P4HB: variants seen among roughly 807,000 people sequenced by gnomAD.
P4HB encodes the protein protein disulfide-isomerase.
Under a neutral mutation model 52.6 loss-of-function variants are expected in P4HB, and 20 were observed. The ratio of observed to expected loss-of-function variants is 0.38; its 90% CI spans 0.27 to 0.55. The LOEUF is 0.55. Among genes scored for constraint, P4HB ranks in the 20% least tolerant of loss-of-function variants. The probability of loss-of-function intolerance (pLI) is 0.74; values close to 1 mark genes in which losing one functional copy is unlikely to be tolerated. For synonymous variants in P4HB, 296 were observed against 277.9 expected (o/e 1.07, Z -0.65); for missense variants, 601 against 669.2 (o/e 0.90, Z 1.12).
In P4HB at chr17:81,855,528, G is replaced by A; in HGVS notation, c.411C>T (p.Ala137=). ...CAGCTGCGCCGTCAGGCAGGGTGGTGGCAGCCGGGCCCGTGCGCTTCTTCA... is the reference window on the plus strand; with the variant it reads ...CAGCTGCGCCGTCAGGCAGGGTGGTAGCAGCCGGGCCCGTGCGCTTCTTCA... ...NWLKKRTGPA[A]TTLPDGAAAE... is the part of the protein sequence containing the mutation. Residue 137 remains alanine, a synonymous_variant, in exon 3 of 11, where the codon GCC becomes GCT. Coordinates refer to ENST00000331483, the MANE Select transcript of P4HB (RefSeq NM_000918.4). This position sits in a 1 kb window ranked among gnomAD's most constrained non-coding sequence, Gnocchi z 4.3. The A allele has an allele frequency of 1.2e-6, 2 of 1,613,988 alleles. No individual in the cohort carries two copies. Among genetic ancestry groups the A allele is most frequent in the Non-Finnish European group, 1.7e-6 (2 of 1,180,030 alleles).
intron 1 of P4HB, chr17:81,860,007 G>A (rs575010408): frequency 1.3e-5 from 3 of 235,800 alleles, no homozygotes; most frequent in Non-Finnish European, 2.5e-5. Context: ...GGCGCCTTCC[G>A]GGTCGGCCCC....
chr17:81,857,764 T>C (rs758212581), intron 2 of P4HB, among the ~76,000 whole-genome samples: 7 of 152,204 alleles, frequency 4.6e-5, no homozygotes, highest in Non-Finnish European at 7.4e-5. Flanking sequence ...CCTGGGAGAC[T>C]GAGGCTAAGG....
chr17:81,851,423 C>A (rs2038829220), intron 4 of P4HB, among the ~76,000 whole-genome samples: 1 of 152,254 alleles, frequency 6.6e-6, no homozygotes, highest in African/African-American at 2.4e-5. Flanking sequence ...CAAGCACCAA[C>A]CACCCTGCCC....
chr17:81,855,132 G>C lies in P4HB; in HGVS notation c.624+10C>G. 1 of 1,613,868 alleles carries C rather than the reference G, an allele frequency of 6.2e-7. No individual in the cohort carries two copies. The highest frequency in any genetic ancestry group is 8.5e-7 in the Non-Finnish European group (1 of 1,179,896). ...AACTAACCTGGGCAGAGCTGCCTGG[G>C]GCCACTCACCTTCTTAAAGAGGACA... On this transcript the variant is annotated intron_variant, in intron 4 of 10. Coordinates refer to ENST00000331483, the MANE Select transcript of P4HB (RefSeq NM_000918.4). The surrounding 1 kb of genome is among the most constrained non-coding windows in gnomAD (Gnocchi z 4.3).
chr17:81,843,648 T>C lies in P4HB; in HGVS notation c.*364A>G. 2.2e-6 allele frequency: 1 copy of C among 462,032 alleles called. No homozygotes were observed. Among genetic ancestry groups the C allele is most frequent in the Non-Finnish European group, 3.8e-6 (1 of 262,924 alleles). The allele number at this position is 462,032 out of a possible 1,614,324, so 28.6% of individuals were successfully genotyped here. A position where few individuals can be genotyped will look rare whatever the true frequency, so the allele number is the denominator to read the frequency against. Reference sequence around the variant, plus strand: ...CCTGATGTCGAAAAATGTCTAAAAATCCCACAGACGGAATTTTCAAAAAGA... The same window carrying C: ...CCTGATGTCGAAAAATGTCTAAAAACCCCACAGACGGAATTTTCAAAAAGA... On this transcript the variant is annotated 3_prime_UTR_variant, in exon 11 of 11. Coordinates refer to ENST00000331483, the MANE Select transcript of P4HB (RefSeq NM_000918.4).
Position 81,859,232 on chromosome 17 carries a change from T to C in P4HB, c.301A>G (p.Thr101Ala), listed in dbSNP as rs1206104556. The C allele has an allele frequency of 2.5e-6, 4 of 1,613,858 alleles. No individual in the cohort carries two copies. In the South Asian group the frequency reaches 3.3e-5, roughly 13 times the overall value. ...TCTCCATTCCTGAAGAACTTGATGG[T>C]GGGATAGCCGCGCACGCCGTACTGC... ...AQQYGVRGYPTIKFFRNGDTA... is the reference protein window; with the variant it reads ...AQQYGVRGYPAIKFFRNGDTA... Residue 101 changes from threonine to alanine, a missense_variant, in exon 2 of 11, where the codon ACC becomes GCC. Thr to Ala is a moderately conservative substitution (Grantham distance 58). Transcript: ENST00000331483.
chr17:81,853,061 C>G (rs183347062), intron 4 of P4HB, among the ~76,000 whole-genome samples: 3 of 152,238 alleles, frequency 2.0e-5, no homozygotes, highest in Admixed American at 6.5e-5. Context: ...ACTAATTTAG[C>G]AACTCTCTTC....
At chr17:81,849,802 CTTT>C (rs933050660) in intron 4 of P4HB, among the ~76,000 whole-genome samples, 5 of 151,908 alleles carry the variant, frequency 3.3e-5, no homozygotes, top group African/African-American at 9.7e-5. Flanking sequence ...CCCCGAACTA[CTTT>C]TTTATTTATT....
rs747026364 is a variant in P4HB at position 81,846,498 on chromosome 17, G to C, written c.987C>G (p.Pro329=). The C allele has an allele frequency of 1.9e-6, 3 of 1,613,922 alleles. No homozygotes were observed. The highest frequency in any genetic ancestry group is 3.3e-4 in the Middle Eastern group (2 of 6,062). ...TLEEEMTKYK[P]ESEELTAERI... ...TCTCTGCCGTCAGCTCCTCCGATTCGGGCTTGTACTTGGTCATCTCCTCCT... is the reference window on the plus strand; with the variant it reads ...TCTCTGCCGTCAGCTCCTCCGATTCCGGCTTGTACTTGGTCATCTCCTCCT... The change falls in exon 7 of 11, where the codon CCC becomes CCG. Residue 329 remains proline, a synonymous_variant. Coordinates refer to ENST00000331483, the MANE Select transcript of P4HB (RefSeq NM_000918.4). The surrounding 1 kb of genome is among the most constrained non-coding windows in gnomAD (Gnocchi z 5.7).
intron 4 of P4HB, among the ~76,000 whole-genome samples, chr17:81,849,984 C>T (rs1255422469): frequency 4.0e-5 from 6 of 151,898 alleles, no homozygotes; most frequent in South Asian, 2.1e-4. Flanking sequence ...CCCGCCACCA[C>T]GCCTGGCTAA....
At chr17:81,854,197 G>T (rs2038878539) in intron 4 of P4HB, among the ~76,000 whole-genome samples, 1 of 152,258 alleles carries the variant, frequency 6.6e-6, no homozygotes, top group Admixed American at 6.5e-5. Context: ...AAACGTTCTG[G>T]AAATAGGGAT....
Position 81,846,723 on chromosome 17 carries a change from C to T in P4HB, c.856-94G>A. 3 of 1,345,522 alleles carry T rather than the reference C, an allele frequency of 2.2e-6. No homozygotes were observed. In the South Asian group the frequency reaches 3.7e-5, roughly 16 times the overall value. The allele number at this position is 1,345,522 out of a possible 1,614,324, so 83.3% of individuals were successfully genotyped here. A position where few individuals can be genotyped will look rare whatever the true frequency, so the allele number is the denominator to read the frequency against. On this transcript the variant is annotated intron_variant, in intron 6 of 10. Transcript: ENST00000331483. This position sits in a 1 kb window ranked among gnomAD's most constrained non-coding sequence, Gnocchi z 5.7. ...TCGGAAGCAGACCGTGCTCCGGTGC[C>T]TTTTTCCTCCAACCTGGATTCCGGG...
chr17:81,849,325 G>T (rs928981234), intron 4 of P4HB, among the ~76,000 whole-genome samples: 1 of 150,424 alleles, frequency 6.6e-6, no homozygotes, highest in South Asian at 2.1e-4. Context: ...GTAAAACGTC[G>T]TCTTTACTAG....
chr17:81,845,109 C>G (rs375537708), intron 10 of P4HB, 35 bp downstream of exon 10: 1 of 1,518,432 alleles, frequency 6.6e-7, no homozygotes, highest in Non-Finnish European at 9.1e-7. Context: ...GGGGCTGAAT[C>G]CCAGAGACCA....
At position 81,846,413 on chromosome 17, in the gene P4HB, G is replaced by T. The variant is rs748141840; in HGVS notation, c.1056+16C>A. 4 of 1,611,760 alleles carry T rather than the reference G, an allele frequency of 2.5e-6. No homozygotes were observed. The Admixed American group carries it at 6.7e-5, about 27-fold the overall frequency. ...TCTACCCGGGAGGCAGCCCTGGCCCGGGGACGCGCCTGCACCTTGATTTTG... is the reference window on the plus strand; with the variant it reads ...TCTACCCGGGAGGCAGCCCTGGCCCTGGGACGCGCCTGCACCTTGATTTTG... On this transcript the variant is annotated intron_variant, in intron 7 of 10. Transcript: ENST00000331483. The surrounding 1 kb of genome is among the most constrained non-coding windows in gnomAD (Gnocchi z 5.7).
rs1434163364 is a variant in P4HB at position 81,855,066 on chromosome 17, C to T, written c.624+76G>A. The T allele has an allele frequency of 2.3e-5, 33 of 1,449,686 alleles. No individual in the cohort carries two copies. The highest frequency in any genetic ancestry group is 4.6e-5 in the East Asian group (2 of 43,908). The allele number at this position is 1,449,686 out of a possible 1,614,324, so 89.8% of individuals were successfully genotyped here. A position where few individuals can be genotyped will look rare whatever the true frequency, so the allele number is the denominator to read the frequency against. On this transcript the variant is annotated intron_variant, in intron 4 of 10. Transcript: ENST00000331483. The surrounding 1 kb of genome is among the most constrained non-coding windows in gnomAD (Gnocchi z 4.3). ...GGTGCCAGGAGCAAGGTTCCCTTAA[C>T]GATAAGGAGAGCAACGCCACCCTCT... is the stretch of plus-strand genomic sequence containing the variant.
intron 4 of P4HB, among the ~76,000 whole-genome samples, chr17:81,853,735 G>A (rs573317033): frequency 2.6e-4 from 39 of 152,222 alleles, no homozygotes; most frequent in African/African-American, 8.7e-4. Context: ...AGGAGCTGAA[G>A]GTCCGATCGC....
rs920370851 is a variant in P4HB at position 81,843,331 on chromosome 17, G to C, written c.*681C>G. ...AACAGGCCACAGGCCGTGCTGTAGA[G>C]AGGCCAGTGGTCACAATGAGCCCAC... is the stretch of plus-strand genomic sequence containing the variant. On this transcript the variant is annotated 3_prime_UTR_variant, in exon 11 of 11. Coordinates refer to ENST00000331483, the MANE Select transcript of P4HB (RefSeq NM_000918.4). 2.5e-6 allele frequency: 1 copy of C among 396,286 alleles called. No individual in the cohort carries two copies. Among genetic ancestry groups the C allele is most frequent in the African/African-American group, 2.1e-5 (1 of 48,594 alleles). 24.5% of individuals were successfully genotyped at this position (396,286 alleles called of 1,614,324 possible).
Position 81,846,393 on chromosome 17 carries a change from C to A in P4HB, c.1056+36G>T, listed in dbSNP as rs188184624. 1.9e-6 allele frequency: 3 copies of A among 1,605,524 alleles called. No individual in the cohort carries two copies. In the African/African-American group the frequency reaches 4.0e-5, roughly 21 times the overall value. ...AGAGACCCCAAGGTGGCGGCTCTACCCGGGAGGCAGCCCTGGCCCGGGGAC... is the reference window on the plus strand; with the variant it reads ...AGAGACCCCAAGGTGGCGGCTCTACACGGGAGGCAGCCCTGGCCCGGGGAC... On this transcript the variant is annotated intron_variant, in intron 7 of 10. Coordinates refer to ENST00000331483, the MANE Select transcript of P4HB (RefSeq NM_000918.4). This position sits in a 1 kb window ranked among gnomAD's most constrained non-coding sequence, Gnocchi z 5.7.
Sources: gnomAD v4.1 joint callset for allele counts (sites outside exome capture counted in the v4.1 genomes callset) on GRCh38, gnomAD v4.1.1 for gene constraint, Gnocchi (gnomAD v3.1) non-coding constraint, MANE v1.5 for transcripts, NCBI Gene and HGNC (gene_info 2026-07-23, HGNC 2026-07-21) for gene names.